Variants in BAIAP2 observed in about 807,000 individuals in gnomAD.
BAIAP2 encodes the protein BAR/IMD domain-containing adapter protein 2.
BAIAP2 carries 18 observed loss-of-function variants against 63.0 expected under a neutral mutation model. The ratio of observed to expected loss-of-function variants is 0.29; its 90% CI spans 0.20 to 0.42. The LOEUF (loss-of-function observed/expected upper bound fraction) is 0.42. Ranked by LOEUF, BAIAP2 falls within the 10% of genes least tolerant of loss-of-function variation. The pLI is 1.00. For synonymous variants in BAIAP2, 386 were observed against 307.6 expected (o/e 1.25, Z -2.67); for missense variants, 610 against 734.3 (o/e 0.83, Z 1.96).
At chr17:81,053,525 C>G (rs2049001745) in intron 1 of BAIAP2, 143 bp from the exon 2 acceptor site, 1 of 829,148 alleles carries the variant, frequency 1.2e-6, no homozygotes, top group Admixed American at 2.1e-5. Context: ...GGGATTTGAA[C>G]TTGGGAAGCC....
At chr17:81,040,394 T>A (rs1248294812) in intron 1 of BAIAP2, among the ~76,000 whole-genome samples, 2 of 152,238 alleles carry the variant, frequency 1.3e-5, no homozygotes, top group East Asian at 3.8e-4. Flanking sequence ...TCCAACGCAC[T>A]TCCACCTCCC....
chr17:81,078,632 C>T (rs1045435200), intron 3 of BAIAP2, among the ~76,000 whole-genome samples: 1 of 150,722 alleles, frequency 6.6e-6, no homozygotes, highest in Admixed American at 6.6e-5. Context: ...TCTGTGGGTG[C>T]AGGTGCCATC....
intron 3 of BAIAP2, among the ~76,000 whole-genome samples, chr17:81,066,363 CTG>C (rs1049676314): frequency 6.6e-6 from 1 of 152,224 alleles, no homozygotes; most frequent in African/African-American, 2.4e-5. Flanking sequence ...CTGCCTGAAA[CTG>C]TGGGCTGGAT....
At chr17:81,103,812 A>G (rs1311369424) in intron 8 of BAIAP2, 89 bp downstream of exon 8, 3 of 1,586,274 alleles carry the variant, frequency 1.9e-6, no homozygotes, top group Admixed American at 1.7e-5. Flanking sequence ...TGCAGAGTCC[A>G]GGGGCCCCTG....
intron 6 of BAIAP2, among the ~76,000 whole-genome samples, chr17:81,098,559 T>G (rs181368366): frequency 9.2e-5 from 14 of 152,352 alleles, no homozygotes; most frequent in Non-Finnish European, 1.9e-4. Flanking sequence ...TCCAGAACTT[T>G]CCATCTTCCC....
At chr17:81,037,341 G>A (rs4969351) in intron 1 of BAIAP2, among the ~76,000 whole-genome samples, 16,019 of 152,284 alleles carry the variant, frequency 0.11, 990 homozygotes, top group East Asian at 0.29. Flanking sequence ...ACAGGCTTGC[G>A]CTGCTGCTGC....
chr17:81,104,382 G>A lies in BAIAP2; in HGVS notation c.1067-132G>A, dbSNP rs181073789. On this transcript the variant is annotated intron_variant, in intron 9 of 13. Transcript: ENST00000428708. ...CTTGGGAGCAGGTAGCTGCTGCTGC[G>A]GAGAGCTTAGCCAGCCCACTTACCC... The A allele has an allele frequency of 3.8e-4, 389 of 1,020,316 alleles. 3 individuals carry two copies. In the East Asian group the frequency reaches 7.3e-3, roughly 19 times the overall value. 63.2% of individuals were successfully genotyped at this position (1,020,316 alleles called of 1,614,324 possible).
At chr17:81,035,828 C>T (rs902005492) in intron 1 of BAIAP2, among the ~76,000 whole-genome samples, 1 of 152,162 alleles carries the variant, frequency 6.6e-6, no homozygotes, top group African/African-American at 2.4e-5. Flanking sequence ...GCGCGAGCCT[C>T]GGGCACTTCA....
At chr17:81,082,642 T>C (rs899519601) in intron 3 of BAIAP2, among the ~76,000 whole-genome samples, 1 of 152,186 alleles carries the variant, frequency 6.6e-6, no homozygotes, top group Admixed American at 6.5e-5. Context: ...CAGGGGTGCA[T>C]GAATCCCTTT....
chr17:81,086,434 G>T lies in BAIAP2; in HGVS notation c.352-9G>T. Reference sequence around the variant, plus strand: ...GCCTTGGTTTTGTGTTTTATTGTTTGAATCTCAGGCTGCGCTGAAGAAATA... The same window carrying T: ...GCCTTGGTTTTGTGTTTTATTGTTTTAATCTCAGGCTGCGCTGAAGAAATA... On this transcript the variant is annotated splice_polypyrimidine_tract_variant and intron_variant, in intron 5 of 13. Transcript: ENST00000428708. The T allele has an allele frequency of 6.2e-7, 1 of 1,613,346 alleles. No homozygotes were observed. Among genetic ancestry groups the T allele is most frequent in the Non-Finnish European group, 8.5e-7 (1 of 1,179,492 alleles).
chr17:81,089,869 G>A (rs929369855), intron 6 of BAIAP2, among the ~76,000 whole-genome samples: 5 of 152,186 alleles, frequency 3.3e-5, no homozygotes, highest in Non-Finnish European at 5.9e-5. Context: ...GGTGTGAGGT[G>A]AGGGTGGCCC....
chr17:81,111,818 C>G (rs2059962530), intron 13 of BAIAP2, among the ~76,000 whole-genome samples: 1 of 152,228 alleles, frequency 6.6e-6, no homozygotes, highest in East Asian at 1.9e-4. Flanking sequence ...GCGGGTCCTG[C>G]TTCCCACCAC....
intron 3 of BAIAP2, 123 bp from the exon 4 acceptor site, chr17:81,084,709 C>G (rs1215153938): frequency 2.2e-6 from 2 of 898,278 alleles, no homozygotes; most frequent in Non-Finnish European, 3.7e-6. Flanking sequence ...CCCTGACACC[C>G]CGGGGGCCCT....
rs867360959 is a variant in BAIAP2 at position 81,086,186 on chromosome 17, A to G, written c.352-257A>G. Among the ~76,000 whole-genome samples the G allele has an allele frequency of 2.0e-5, 3 of 151,086 alleles. 1 individual carries two copies. The Middle Eastern group carries it at 0.01, about 514-fold the overall frequency. ...GGGGTGGGCCTCGGCCACTTTTTCC[A>G]AGTGTGATTTTCATCTTGGGCGACC... On this transcript the variant is annotated intron_variant, in intron 5 of 13. Coordinates refer to ENST00000428708, the MANE Select transcript of BAIAP2 (RefSeq NM_001144888.2).
At chr17:81,087,029 C>T (rs1238030897) in intron 6 of BAIAP2, 7 of 176,470 alleles carry the variant, frequency 4.0e-5, no homozygotes, top group East Asian at 1.6e-4. Context: ...ACCGGTGCTG[C>T]GTGCTGAGTG....
intron 3 of BAIAP2, among the ~76,000 whole-genome samples, chr17:81,078,803 G>C (rs898549525): frequency 2.0e-5 from 3 of 152,148 alleles, no homozygotes; most frequent in East Asian, 1.9e-4. Context: ...GCTGGCAGCA[G>C]ATCTTGAGGA....
Position 81,104,729 on chromosome 17 carries a change from G to A in BAIAP2, c.1268+14G>A, listed in dbSNP as rs768715732. The A allele has an allele frequency of 9.9e-5, 154 of 1,551,958 alleles. No individual in the cohort carries two copies. The highest frequency in any genetic ancestry group is 1.2e-4 in the Non-Finnish European group (143 of 1,145,420). ...GAAGACCAAGATGTGAGTGTTTCTCGGGGGCGGGCTCCAGGCAGCCGCTGC... is the reference window on the plus strand; with the variant it reads ...GAAGACCAAGATGTGAGTGTTTCTCAGGGGCGGGCTCCAGGCAGCCGCTGC... On this transcript the variant is annotated intron_variant, in intron 10 of 13. Transcript: ENST00000428708.
At chr17:81,052,198 G>C (rs1473105664) in intron 1 of BAIAP2, among the ~76,000 whole-genome samples, 1 of 152,144 alleles carries the variant, frequency 6.6e-6, no homozygotes, top group African/African-American at 2.4e-5. Flanking sequence ...GCCCTGGTCT[G>C]CCCACTGCTC....
chr17:81,080,138 C>T (rs2054351492), intron 3 of BAIAP2, among the ~76,000 whole-genome samples: 1 of 152,232 alleles, frequency 6.6e-6, no homozygotes, highest in Non-Finnish European at 1.5e-5. Flanking sequence ...AGGGTCTTGG[C>T]ATTCCTTAGG....
Sources: gnomAD v4.1 joint callset for allele counts (sites outside exome capture counted in the v4.1 genomes callset) on GRCh38, gnomAD v4.1.1 for gene constraint, MANE v1.5 for transcripts, NCBI Gene and HGNC (gene_info 2026-07-23, HGNC 2026-07-21) for gene names.